The following MROH9 variants were observed in gnomAD, a reference collection of about 807,000 sequenced individuals.
The protein encoded by MROH9 is maestro heat-like repeat-containing protein family member 9.
In MROH9, 92 loss-of-function variants were observed where a neutral mutation model predicts 98.2. That is an observed-to-expected ratio of 0.94 (90% confidence interval 0.79 to 1.11). MROH9 has a LOEUF of 1.11. MROH9 is among the 50% of genes most tolerant of loss of function. MROH9 has a pLI of 0.00. For synonymous variants in MROH9, 397 were observed against 368.9 expected (o/e 1.08, Z -0.87); for missense variants, 1,057 against 1,014.8 (o/e 1.04, Z -0.57).
chr1:170,990,149 G>A, intron 11 of MROH9, 146 bp downstream of exon 11: 1 of 805,318 alleles, frequency 1.2e-6, no homozygotes, highest in Non-Finnish European at 1.9e-6. Context: ...GCACCATGTG[G>A]GATACTTGTA....
chr1:171,040,879 G>A (rs919774302), intron 20 of MROH9, among the ~76,000 whole-genome samples: 2 of 151,988 alleles, frequency 1.3e-5, no homozygotes, highest in Non-Finnish European at 2.9e-5. Context: ...TATTTTGGCT[G>A]ACTGAAGAAT....
intron 20 of MROH9, among the ~76,000 whole-genome samples, chr1:171,051,854 G>A (rs943607711): frequency 1.3e-5 from 2 of 152,166 alleles, no homozygotes; most frequent in African/African-American, 4.8e-5. Flanking sequence ...ATATTGCAGT[G>A]ATGGCTTCAT....
chr1:170,971,170 G>T (rs553646327), intron 7 of MROH9, among the ~76,000 whole-genome samples: 4 of 152,268 alleles, frequency 2.6e-5, no homozygotes, highest in Admixed American at 6.5e-5. Flanking sequence ...ATCAGTCTAA[G>T]GGTTGAAGAA....
intron 6 of MROH9, among the ~76,000 whole-genome samples, 171 bp downstream of exon 6, chr1:170,962,147 A>T (rs1388270531): frequency 1.3e-5 from 2 of 152,172 alleles, no homozygotes; most frequent in Non-Finnish European, 2.9e-5. Flanking sequence ...TTTGAATTAC[A>T]GGGGCACACT....
At chr1:171,022,417 A>G (rs1201400104) in intron 17 of MROH9, among the ~76,000 whole-genome samples, 3 of 152,246 alleles carry the variant, frequency 2.0e-5, no homozygotes, top group Non-Finnish European at 4.4e-5. Flanking sequence ...CTATGCAGCC[A>G]TAAAAAGGAA....
chr1:171,020,469 C>T (rs900826603), intron 17 of MROH9, among the ~76,000 whole-genome samples: 2 of 152,208 alleles, frequency 1.3e-5, no homozygotes, highest in African/African-American at 2.4e-5. Context: ...ATATACAAAT[C>T]AACAAATGTA....
chr1:171,000,464 G>T (rs778270991), intron 15 of MROH9, among the ~76,000 whole-genome samples: 6 of 151,996 alleles, frequency 3.9e-5, no homozygotes, highest in Non-Finnish European at 7.4e-5. Flanking sequence ...GCTGGACTTT[G>T]TCGAATGCTT....
chr1:171,045,970 GCTC>G (rs1321253767), intron 20 of MROH9, among the ~76,000 whole-genome samples: 2 of 152,084 alleles, frequency 1.3e-5, no homozygotes, highest in Non-Finnish European at 2.9e-5. Flanking sequence ...ATATCTGAGT[GCTC>G]CTATGTTGGG....
intron 3 of MROH9, among the ~76,000 whole-genome samples, chr1:170,956,073 G>A (rs1305878593): frequency 1.3e-5 from 2 of 152,120 alleles, no homozygotes; most frequent in Non-Finnish European, 2.9e-5. Context: ...TGAAAAGGGT[G>A]TCCTTTCCCC....
In MROH9 at chr1:170,958,501, T is replaced by G; in HGVS notation, c.113T>G (p.Leu38Arg). Reference sequence around the variant, plus strand: ...AGCCTATTGGATGCATACTCAGGCCTGTTAAGTAATGAATCCATGATCCTG... The same window carrying G: ...AGCCTATTGGATGCATACTCAGGCCGGTTAAGTAATGAATCCATGATCCTG... ...VNSLLDAYSG[L>R]LSNESMILAV... The change falls in exon 4 of 22, where the codon CTG becomes CGG. Residue 38 changes from leucine (L) to arginine (R), a missense_variant. Physicochemically the swap from Leu to Arg is moderately radical, Grantham distance 102. Coordinates refer to ENST00000367759, the MANE Select transcript of MROH9 (RefSeq NM_001163629.2). 6.3e-7 allele frequency: 1 copy of G among 1,597,774 alleles called. No homozygotes were observed. Among genetic ancestry groups the G allele is most frequent in the Non-Finnish European group, 8.6e-7 (1 of 1,168,206 alleles).
intron 20 of MROH9, among the ~76,000 whole-genome samples, chr1:171,038,790 G>C (rs1653193702): frequency 6.6e-6 from 1 of 152,158 alleles, no homozygotes; most frequent in Non-Finnish European, 1.5e-5. Flanking sequence ...GACACCATTA[G>C]TTCAAGAGAT....
chr1:170,986,152 T>C (rs1025501955), intron 9 of MROH9, among the ~76,000 whole-genome samples: 17 of 152,174 alleles, frequency 1.1e-4, no homozygotes, highest in Non-Finnish European at 2.1e-4. Context: ...TGCTTCCTGA[T>C]CCCTTTCTGT....
At chr1:171,010,369 C>T (rs1207295760) in intron 15 of MROH9, among the ~76,000 whole-genome samples, 1 of 152,154 alleles carries the variant, frequency 6.6e-6, no homozygotes, top group East Asian at 1.9e-4. Flanking sequence ...CAAGCCTTTG[C>T]TATTGTGAAT....
At chr1:171,030,134 C>T (rs968392126) in intron 20 of MROH9, among the ~76,000 whole-genome samples, 2 of 152,192 alleles carry the variant, frequency 1.3e-5, no homozygotes, top group South Asian at 4.1e-4. Context: ...GTGGGGTCAG[C>T]AGTGATATTT....
intron 20 of MROH9, among the ~76,000 whole-genome samples, chr1:171,053,856 A>G (rs1653743710): frequency 6.6e-6 from 1 of 152,194 alleles, no homozygotes; most frequent in Non-Finnish European, 1.5e-5. Flanking sequence ...AGAGTGTAAG[A>G]TAATATCAGA....
chr1:171,045,170 T>G (rs1258583791), intron 20 of MROH9, among the ~76,000 whole-genome samples: 1 of 151,478 alleles, frequency 6.6e-6, no homozygotes, highest in Non-Finnish European at 1.5e-5. Flanking sequence ...CCGGTTAATT[T>G]TTTCTATTTT....
chr1:170,964,423 A>G (rs1650149005), intron 6 of MROH9, among the ~76,000 whole-genome samples: 1 of 152,052 alleles, frequency 6.6e-6, no homozygotes, highest in Non-Finnish European at 1.5e-5. Flanking sequence ...ATTTTTCACA[A>G]TGGGAGCAAG....
intron 11 of MROH9, 90 bp downstream of exon 11, chr1:170,990,093 A>G: frequency 3.8e-6 from 5 of 1,330,220 alleles, no homozygotes; most frequent in Non-Finnish European, 5.1e-6. Context: ...TCAATCTACC[A>G]TAGTCAGGCC....
chr1:170,937,266 T>C (rs1369599739), intron 1 of MROH9, among the ~76,000 whole-genome samples: 1 of 152,198 alleles, frequency 6.6e-6, no homozygotes, highest in Non-Finnish European at 1.5e-5. Flanking sequence ...GGAGATAAAG[T>C]CCTTCAGTGA....
Sources: allele counts gnomAD v4.1 joint callset (sites outside exome capture counted in the v4.1 genomes callset), GRCh38; gene constraint gnomAD v4.1.1; transcripts MANE v1.5; gene names NCBI Gene and HGNC (gene_info 2026-07-23, HGNC 2026-07-21).